EYS: variants seen among roughly 807,000 people sequenced by gnomAD.
EYS encodes protein eyes shut homolog.
In EYS, 250 loss-of-function variants were observed where a neutral mutation model predicts 282.1. The observed-to-expected ratio is 0.89, with a 90% confidence interval of 0.80 to 0.98. The LOEUF (loss-of-function observed/expected upper bound fraction) is 0.98. Among genes scored for constraint, EYS ranks in the 50% least tolerant of loss-of-function variants. The pLI, the probability that EYS is intolerant of heterozygous loss-of-function variation, is 0.00. For synonymous variants in EYS, 1,355 were observed against 1,282.9 expected (o/e 1.06, Z -1.20); for missense variants, 4,016 against 3,709.0 (o/e 1.08, Z -2.15).
At chr6:63,926,375 GT>G (rs997960449) in intron 35 of EYS, among the ~76,000 whole-genome samples, 1 of 152,182 alleles carries the variant, frequency 6.6e-6, no homozygotes, top group Non-Finnish European at 1.5e-5. Context: ...GTTATTTTCT[GT>G]GTAGTTGTTT....
At chr6:64,553,888 T>A (rs975073635) in intron 26 of EYS, among the ~76,000 whole-genome samples, 2 of 152,128 alleles carry the variant, frequency 1.3e-5, no homozygotes, top group African/African-American at 4.8e-5. Context: ...ATACTGTATG[T>A]GTTTATTTAT....
At chr6:64,467,767 G>T (rs749046925) in intron 26 of EYS, among the ~76,000 whole-genome samples, 13 of 152,086 alleles carry the variant, frequency 8.5e-5, no homozygotes, top group Non-Finnish European at 1.6e-4. Flanking sequence ...AGAGGAATAA[G>T]GGAGTGCCCA....
intron 22 of EYS, among the ~76,000 whole-genome samples, chr6:64,655,529 G>GA (rs141822694): frequency 0.016 from 2,360 of 151,480 alleles, 50 homozygotes; most frequent in East Asian, 0.11. Flanking sequence ...ATAGTAATTA[G>GA]AAAAAAAGGG....
chr6:65,642,244 G>A (rs995051690), intron 1 of EYS, among the ~76,000 whole-genome samples: 6 of 152,058 alleles, frequency 3.9e-5, no homozygotes, highest in African/African-American at 1.4e-4. Flanking sequence ...GTGGGTACAT[G>A]CTTTTGGTGT....
At chr6:64,956,142 C>A (rs1408634711) in intron 14 of EYS, among the ~76,000 whole-genome samples, 2 of 152,090 alleles carry the variant, frequency 1.3e-5, no homozygotes, top group Admixed American at 6.6e-5. Flanking sequence ...CCAAAGCTAT[C>A]CTAAGCAAAA....
At chr6:65,535,549 T>C (rs1248273580) in intron 2 of EYS, among the ~76,000 whole-genome samples, 1 of 152,186 alleles carries the variant, frequency 6.6e-6, no homozygotes, top group Non-Finnish European at 1.5e-5. Flanking sequence ...TTAAACTTTC[T>C]TCCTTTATAA....
chr6:65,476,111 G>T (rs1364730158), intron 5 of EYS, among the ~76,000 whole-genome samples: 1 of 152,058 alleles, frequency 6.6e-6, no homozygotes, highest in Non-Finnish European at 1.5e-5. Context: ...AGGCATGATT[G>T]AATTAGAGAA....
chr6:64,532,499 G>C (rs1018400409), intron 26 of EYS, among the ~76,000 whole-genome samples: 3 of 152,086 alleles, frequency 2.0e-5, no homozygotes. Flanking sequence ...CACGAGGTCA[G>C]GAGATCGAGA....
chr6:65,210,232 A>G (rs1219657955), intron 12 of EYS, among the ~76,000 whole-genome samples: 1 of 152,050 alleles, frequency 6.6e-6, no homozygotes, highest in African/African-American at 2.4e-5. Context: ...AATGCGTAAT[A>G]TGCTAAGTCT....
At chr6:65,560,244 T>C (rs934506842) in intron 2 of EYS, among the ~76,000 whole-genome samples, 4 of 145,208 alleles carry the variant, frequency 2.8e-5, no homozygotes, top group African/African-American at 9.9e-5. Flanking sequence ...ATTATAATTA[T>C]ATACAATTAT....
intron 13 of EYS, among the ~76,000 whole-genome samples, chr6:65,041,936 A>G (rs1230601127): frequency 6.6e-6 from 1 of 151,690 alleles, no homozygotes; most frequent in African/African-American, 2.4e-5. Context: ...TGTTTTATTT[A>G]TGGTAGCATC....
intron 14 of EYS, among the ~76,000 whole-genome samples, chr6:64,966,220 G>T (rs1381208948): frequency 2.0e-5 from 3 of 152,076 alleles, no homozygotes; most frequent in Admixed American, 2.0e-4. Context: ...TGAGAAAAAA[G>T]ATTCATTTGT....
chr6:64,761,598 T>G (rs1432006733), intron 22 of EYS, among the ~76,000 whole-genome samples: 1 of 152,118 alleles, frequency 6.6e-6, no homozygotes, highest in East Asian at 1.9e-4. Context: ...CTGGGACTAC[T>G]GGCGCATGCC....
chr6:64,855,113 T>C (rs571118790), intron 19 of EYS, among the ~76,000 whole-genome samples: 254 of 152,180 alleles, frequency 1.7e-3, no homozygotes, highest in African/African-American at 5.6e-3. Flanking sequence ...GCATCAGTTT[T>C]ACTATTTTTA....
At chr6:64,665,982 G>A (rs1463178309) in intron 22 of EYS, among the ~76,000 whole-genome samples, 1 of 152,094 alleles carries the variant, frequency 6.6e-6, no homozygotes, top group Non-Finnish European at 1.5e-5. Context: ...GCAAACTAAT[G>A]CAGGAACAGA....
chr6:65,592,963 A>G (rs1275118712), intron 2 of EYS, among the ~76,000 whole-genome samples: 4 of 152,004 alleles, frequency 2.6e-5, no homozygotes, highest in Non-Finnish European at 2.9e-5. Context: ...ACCATCTTTA[A>G]TTCTGCCTCC....
intron 13 of EYS, among the ~76,000 whole-genome samples, chr6:65,013,458 C>T (rs151154703): frequency 7.9e-5 from 12 of 152,214 alleles, no homozygotes; most frequent in African/African-American, 2.4e-4. Context: ...GCAAGTAAAT[C>T]GGTGCAATAA....
intron 39 of EYS, among the ~76,000 whole-genome samples, chr6:63,782,252 A>G (rs532257915): frequency 1.3e-5 from 2 of 152,300 alleles, no homozygotes; most frequent in African/African-American, 4.8e-5. Flanking sequence ...TATCAGGATG[A>G]TGCTGCCCTC....
intron 30 of EYS, among the ~76,000 whole-genome samples, chr6:64,281,912 T>G (rs1323076540): frequency 1.3e-5 from 2 of 152,064 alleles, no homozygotes; most frequent in Non-Finnish European, 2.9e-5. Context: ...GCACTGGCCT[T>G]GAATATGGAG....
Sources: allele counts gnomAD v4.1 joint callset (sites outside exome capture counted in the v4.1 genomes callset), GRCh38; gene constraint gnomAD v4.1.1; transcripts MANE v1.5; gene names NCBI Gene and HGNC (gene_info 2026-07-23, HGNC 2026-07-21).